The following WDFY4 variants were observed in gnomAD, a reference collection of about 807,000 sequenced individuals.
The protein encoded by WDFY4 is WD repeat- and FYVE domain-containing protein 4.
Under a neutral mutation model 351.9 loss-of-function variants are expected in WDFY4, and 169 were observed. The ratio of observed to expected loss-of-function variants is 0.48; its 90% CI spans 0.42 to 0.55. The LOEUF (loss-of-function observed/expected upper bound fraction) is 0.55, where lower values mean the gene tolerates loss of function less well. Among genes scored for constraint, WDFY4 ranks in the 20% least tolerant of loss-of-function variants. The pLI is 0.00. For synonymous variants in WDFY4, 1,622 were observed against 1,574.6 expected (o/e 1.03, Z -0.71); for missense variants, 3,803 against 3,935.6 (o/e 0.97, Z 0.90).
At chr10:48,729,680 T>G (rs1243609650) in intron 8 of WDFY4, 91 bp downstream of exon 8, 7 of 1,458,672 alleles carry the variant, frequency 4.8e-6, no homozygotes, top group Non-Finnish European at 6.4e-6. Context: ...TTTGTGTACC[T>G]TTCAATGGTG....
At chr10:48,959,837 T>C (rs1167310848) in intron 53 of WDFY4, 24 bp downstream of exon 53, 1 of 1,534,402 alleles carries the variant, frequency 6.5e-7, no homozygotes. Context: ...GGACCCCTGG[T>C]ATCCTGCTGG....
chr10:48,860,612 A>C (rs2069302820), intron 39 of WDFY4, among the ~76,000 whole-genome samples: 1 of 152,246 alleles, frequency 6.6e-6, no homozygotes, highest in East Asian at 1.9e-4. Flanking sequence ...GGGGGAACAC[A>C]AACATTCAGT....
chr10:48,785,089 T>A (rs1447803470), intron 19 of WDFY4, among the ~76,000 whole-genome samples: 1 of 151,948 alleles, frequency 6.6e-6, no homozygotes, highest in Non-Finnish European at 1.5e-5. Context: ...CTCGATCTCC[T>A]GACCTCGTGA....
In WDFY4 at chr10:48,774,531, T is replaced by A. The variant is rs1356869163; in HGVS notation, c.2627T>A (p.Val876Asp). Residue 876 changes from valine (V) to aspartate (D), a missense_variant, in exon 14 of 62, where the codon GTC (valine) becomes GAC (aspartate). This residue lies in a region of WDFY4 where 3,054 missense variants were observed against 3,148.6 expected (regional missense o/e 0.97). Coordinates refer to ENST00000325239, the MANE Select transcript of WDFY4 (RefSeq NM_001394531.1). ...SLVKSEKNRQVMCEAGLLGTL... is the reference protein window; with the variant it reads ...SLVKSEKNRQDMCEAGLLGTL... The stretch of plus-strand genomic sequence containing the variant: ...GTGAAGTCGGAGAAGAACCGCCAGG[T>A]CATGTGCGAAGCAGGCTTGCTTGGG... The A allele has an allele frequency of 6.4e-7, 1 of 1,551,672 alleles. No individual in the cohort carries two copies.
chr10:48,788,776 G>C, intron 21 of WDFY4, 101 bp downstream of exon 21: 6 of 1,419,674 alleles, frequency 4.2e-6, no homozygotes, highest in Non-Finnish European at 5.6e-6. Flanking sequence ...GTTTGCACTT[G>C]TGTAGATGGA....
intron 2 of WDFY4, among the ~76,000 whole-genome samples, chr10:48,711,410 G>T (rs1234561149): frequency 6.6e-6 from 1 of 152,092 alleles, no homozygotes; most frequent in East Asian, 1.9e-4. Context: ...TCTTACCCCA[G>T]TTCCCAGATC....
At chr10:48,745,708 G>T in intron 12 of WDFY4, 1 of 565,800 alleles carries the variant, frequency 1.8e-6, no homozygotes. Context: ...CTTCCAGCCA[G>T]CCTCTTGAGC....
intron 39 of WDFY4, among the ~76,000 whole-genome samples, chr10:48,842,085 G>A (rs1335117183): frequency 6.6e-6 from 1 of 151,972 alleles, no homozygotes; most frequent in Non-Finnish European, 1.5e-5. Flanking sequence ...CTTCTTGGAT[G>A]ATTTTTCCAG....
chr10:48,832,683 G>T lies in WDFY4; in HGVS notation c.6637G>T (p.Ala2213Ser), dbSNP rs1473499426. ...CATGAAGCTGATGCCCGGGCGGCAG[G>T]CCAAGGACCCTGAGTGCAAGACAGA... ...SAMKLMPGRQ[A>S]KDPECKTEDF... Residue 2213 changes from alanine to serine, a missense_variant, in exon 39 of 62, where the codon GCC becomes TCC. By Grantham distance (99) the Ala-to-Ser change is moderately conservative. This residue lies in a region of WDFY4 where 3,054 missense variants were observed against 3,148.6 expected (regional missense o/e 0.97). Coordinates refer to ENST00000325239, the MANE Select transcript of WDFY4 (RefSeq NM_001394531.1). 5.8e-6 allele frequency: 9 copies of T among 1,549,276 alleles called. No homozygotes were observed. The East Asian group carries it at 2.0e-4, about 34-fold the overall frequency.
chr10:48,713,985 A>G (rs2063832210), intron 2 of WDFY4, among the ~76,000 whole-genome samples: 1 of 152,236 alleles, frequency 6.6e-6, no homozygotes, highest in African/African-American at 2.4e-5. Context: ...CACTGATGAT[A>G]GCTAGGTAAT....
Position 48,936,083 on chromosome 10 carries a change from A to C in WDFY4, c.7587-5723A>C, listed in dbSNP as rs142835130. Among the ~76,000 whole-genome samples, 733 of 152,310 alleles carry C rather than the reference A, an allele frequency of 4.8e-3. 3 individuals carry two copies. Among genetic ancestry groups the C allele is most frequent in the African/African-American group, 0.017 (705 of 41,582 alleles). On this transcript the variant is annotated intron_variant, in intron 47 of 61. Coordinates refer to ENST00000325239, the MANE Select transcript of WDFY4 (RefSeq NM_001394531.1). ...TTTTCCACCTAGTCATAAATTAGAA[A>C]ATAAATTAACTAGCAAATAAGTGAA...
intron 44 of WDFY4, among the ~76,000 whole-genome samples, chr10:48,892,659 A>G (rs562485307): frequency 2.6e-5 from 4 of 152,372 alleles, no homozygotes; most frequent in South Asian, 4.1e-4. Flanking sequence ...AAGAAGATAC[A>G]TAAATAAACT....
At chr10:48,943,080 G>A (rs1840862584) in intron 48 of WDFY4, among the ~76,000 whole-genome samples, 1 of 151,790 alleles carries the variant, frequency 6.6e-6, no homozygotes, top group Non-Finnish European at 1.5e-5. Context: ...TATCCTTGGT[G>A]TTGGATGCTG....
At chr10:48,868,012 C>A in intron 40 of WDFY4, among the ~76,000 whole-genome samples, 1 of 152,102 alleles carries the variant, frequency 6.6e-6, no homozygotes, top group Non-Finnish European at 1.5e-5. Flanking sequence ...TGGTGATGAG[C>A]TCAATGATAG....
At chr10:48,754,509 A>G (rs1904597) in intron 12 of WDFY4, among the ~76,000 whole-genome samples, 50,050 of 151,330 alleles carry the variant, frequency 0.33, 9,854 homozygotes, top group Non-Finnish European at 0.44. Flanking sequence ...ATTTTTGTCA[A>G]TTCTCCTTTC....
chr10:48,870,010 T>G (rs780483397), intron 40 of WDFY4, among the ~76,000 whole-genome samples: 2 of 152,212 alleles, frequency 1.3e-5, no homozygotes, highest in African/African-American at 2.4e-5. Flanking sequence ...TCAAGTTCCG[T>G]GCTCTGCTTC....
intron 56 of WDFY4, among the ~76,000 whole-genome samples, chr10:48,969,490 G>A (rs1453665178): frequency 6.6e-6 from 1 of 152,200 alleles, no homozygotes; most frequent in Admixed American, 6.5e-5. Flanking sequence ...CCAGAGCAGA[G>A]GCTAACTGGA....
chr10:48,787,927 CT>C lies in WDFY4; in HGVS notation c.3809-601del, dbSNP rs1285273240. Reference sequence around the variant, plus strand: ...TCTTCTTCTTCTTCTTCTTCTTCTTCTTCTTCTTCTTCTTCTTCTTCTTCTT... The same window carrying C: ...TCTTCTTCTTCTTCTTCTTCTTCTTCTCTTCTTCTTCTTCTTCTTCTTCTT... On this transcript the variant is annotated intron_variant, in intron 20 of 61. Coordinates refer to ENST00000325239, the MANE Select transcript of WDFY4 (RefSeq NM_001394531.1). Among the ~76,000 whole-genome samples, 204 of 83,420 alleles carry C rather than the reference CT, an allele frequency of 2.4e-3. 8 individuals are homozygous for C. Among genetic ancestry groups the C allele is most frequent in the Non-Finnish European group, 1.6e-3 (68 of 43,656 alleles). 54.7% of individuals were successfully genotyped at this position (83,420 alleles called of 152,430 possible).
At position 48,900,223 on chromosome 10, in the gene WDFY4, C is replaced by A. The variant is rs897176261; in HGVS notation, c.7440C>A (p.Asp2480Glu). Residue 2480 changes from aspartate to glutamate, a missense_variant and splice_region_variant, in exon 46 of 62, where the codon GAC becomes GAA. Asp to Glu is a conservative substitution (Grantham distance 45, BLOSUM62 2). Around this residue, in one of 3 missense-constraint regions of WDFY4, gnomAD observed 3,054 missense variants for 3,148.6 expected, o/e 0.97. Coordinates refer to ENST00000325239, the MANE Select transcript of WDFY4 (RefSeq NM_001394531.1). The stretch of plus-strand genomic sequence containing the variant: ...TTAAAAGGGGCTTCTCTTCACAGGA[C>A]ATCGCCCTGGAGATCTTCTTCCACA... ...ELRQARFLLQ[D>E]IALEIFFHNG... The A allele has an allele frequency of 6.4e-6, 10 of 1,551,522 alleles. No homozygotes were observed. In the Admixed American group the frequency reaches 2.0e-4, roughly 30 times the overall value.
Sources: gnomAD v4.1 joint callset for allele counts (sites outside exome capture counted in the v4.1 genomes callset) on GRCh38, gnomAD v4.1.1 for gene constraint, gnomAD v4.1.1 regional missense constraint, MANE v1.5 for transcripts, NCBI Gene and HGNC (gene_info 2026-07-23, HGNC 2026-07-21) for gene names.